The following XPO6 variants were observed in gnomAD, a reference collection of about 807,000 sequenced individuals.
XPO6 encodes exportin-6.
A neutral mutation model predicts 130.0 loss-of-function variants in XPO6; 3 were observed. That is an observed-to-expected ratio of 0.02 (90% CI 0.01 to 0.06). The LOEUF (loss-of-function observed/expected upper bound fraction) is 0.06. Ranked by LOEUF, XPO6 falls within the 10% of genes least tolerant of loss-of-function variation. The pLI, the probability that XPO6 is intolerant of heterozygous loss-of-function variation, is 1.00. For missense variants in XPO6, 970 were observed against 1,393.0 expected, an observed-to-expected ratio of 0.70 and a Z score of 4.83; for synonymous variants, 524 against 548.9, an observed-to-expected ratio of 0.95 and a Z score of 0.63.
chr16:28,104,347 C>T (rs75889465), intron 21 of XPO6, among the ~76,000 whole-genome samples, 199 bp downstream of exon 21: 2,320 of 152,338 alleles, frequency 0.015, 34 homozygotes, highest in African/African-American at 0.045. Context: ...TTTAACCTCA[C>T]AACAAACCTG....
chr16:28,205,074 G>C (rs1039846632), intron 1 of XPO6, among the ~76,000 whole-genome samples: 1 of 151,916 alleles, frequency 6.6e-6, no homozygotes, highest in African/African-American at 2.4e-5. Context: ...AAATTAATGA[G>C]CAAAGGGAAA....
At chr16:28,118,431 G>C (rs1227153302) in intron 14 of XPO6, among the ~76,000 whole-genome samples, 1 of 152,188 alleles carries the variant, frequency 6.6e-6, no homozygotes, top group Non-Finnish European at 1.5e-5. Context: ...CACGATCATG[G>C]CTCACTGCAG....
rs1278421265 is a variant in XPO6 at position 28,112,824 on chromosome 16, A to AG, written c.2151+79dup. ...CTGTAAGCTCTGAGTACAAAATCAA[A>AG]GGCCAGACTCTTCTTCCTCAGCTTC... On this transcript the variant is annotated intron_variant, in intron 16 of 23. Coordinates refer to ENST00000304658, the MANE Select transcript of XPO6 (RefSeq NM_015171.4). 16 of 1,521,302 alleles carry AG rather than the reference A, an allele frequency of 1.1e-5. No individual in the cohort carries two copies. In the African/African-American group the frequency reaches 1.7e-4, roughly 16 times the overall value. The allele number at this position is 1,521,302 out of a possible 1,614,324, so 94.2% of individuals were successfully genotyped here.
chr16:28,155,996 A>G (rs2043178085), intron 7 of XPO6, 78 bp downstream of exon 7: 1 of 1,515,314 alleles, frequency 6.6e-7, no homozygotes, highest in Admixed American at 2.2e-5. Context: ...AGAGGATTAC[A>G]GATGCCATGC....
chr16:28,208,348 A>G (rs1380702471), intron 1 of XPO6, among the ~76,000 whole-genome samples: 3 of 152,174 alleles, frequency 2.0e-5, no homozygotes, highest in African/African-American at 7.2e-5. Context: ...AGAAATGGAG[A>G]GGAAATAATT....
rs1306552633 is a variant in XPO6, at chr16:28,166,546, G to A, written c.605C>T (p.Ala202Val). 4.4e-6 allele frequency: 7 copies of A among 1,593,156 alleles called. No individual in the cohort carries two copies. The highest frequency in any genetic ancestry group is 6.0e-6 in the Non-Finnish European group (7 of 1,168,848). Residue 202 changes from alanine (A) to valine (V), a missense_variant, in exon 6 of 24, where the codon GCT (alanine) becomes GTT (valine). This residue lies in a region of XPO6 where 936 missense variants were observed against 1,306.8 expected (regional missense o/e 0.72). Transcript: ENST00000304658. ...GGTCGGGGATGGTGGTGGAGTGGCA[G>A]CAGTAACACTGTGTTTGTCCCAGAC... is the stretch of plus-strand genomic sequence containing the variant. ...ETVWDKHSVTAATPPPSPTSG... is the reference protein window; with the variant it reads ...ETVWDKHSVTVATPPPSPTSG...
At position 28,169,772 on chromosome 16, in the gene XPO6, C is replaced by A. The variant is rs113061700; in HGVS notation, c.543G>T (p.Gln181His). 1.6e-4 allele frequency: 261 copies of A among 1,614,070 alleles called. No individual in the cohort carries two copies. The African/African-American group carries it at 3.1e-3, about 19-fold the overall frequency. Reference sequence around the variant, plus strand: ...CACCTGTCAGTAGCCCAAGCACTGTCTGCACCTGGTCCAGTAGCAGCTTCC... The same window carrying A: ...CACCTGTCAGTAGCCCAAGCACTGTATGCACCTGGTCCAGTAGCAGCTTCC... The part of the protein sequence containing the change: ...ELRKLLLDQV[Q>H]TVLGLLTGIL... Residue 181 changes from glutamine (Q) to histidine (H), a missense_variant, in exon 5 of 24, where the codon CAG becomes CAT. Physicochemically the swap from Gln to His is conservative, Grantham distance 24 (BLOSUM62 0). Coordinates refer to ENST00000304658, the MANE Select transcript of XPO6 (RefSeq NM_015171.4).
At chr16:28,180,444 G>C (rs1239356396) in intron 2 of XPO6, among the ~76,000 whole-genome samples, 5 of 152,178 alleles carry the variant, frequency 3.3e-5, no homozygotes, top group Non-Finnish European at 7.3e-5. Context: ...AGTAATACCA[G>C]TTATGGGATT....
At chr16:28,098,778 G>T in intron 23 of XPO6, 139 bp from the exon 24 acceptor site, 1 of 586,602 alleles carries the variant, frequency 1.7e-6, no homozygotes. Flanking sequence ...ATTCACTGTT[G>T]CACTGCGTGT....
In XPO6 at chr16:28,125,715, G is replaced by C. The variant is rs2087382639; in HGVS notation, c.1740C>G (p.Phe580Leu). The change falls in exon 13 of 24, where the codon TTC becomes TTG. Residue 580 changes from phenylalanine (F) to leucine (L), a missense_variant. Around this residue, in one of 4 missense-constraint regions of XPO6, gnomAD observed 936 missense variants for 1,306.8 expected, o/e 0.72. Transcript: ENST00000304658. ...TTTCCACGACTGTGAGGGCATCATT[G>C]AACCGTGCAGCAAACACATCCCCGA... is the stretch of plus-strand genomic sequence containing the variant. ...YFIGDVFAAR[F>L]NDALTVVERL... 1 of 1,614,028 alleles carries C rather than the reference G, an allele frequency of 6.2e-7. No individual in the cohort carries two copies. The highest frequency in any genetic ancestry group is 1.3e-5 in the African/African-American group (1 of 74,922).
At chr16:28,162,438 T>A (rs2043291468) in intron 6 of XPO6, among the ~76,000 whole-genome samples, 2 of 152,086 alleles carry the variant, frequency 1.3e-5, no homozygotes, top group African/African-American at 4.8e-5. Context: ...TGGAAGAGGG[T>A]AGCTTGATTA....
chr16:28,146,536 A>G lies in XPO6; in HGVS notation c.1225-333T>C, dbSNP rs148059378. 7.6e-3 allele frequency among the ~76,000 whole-genome samples: 1,164 copies of G among 152,356 alleles called. 15 individuals are homozygous for G. The highest frequency in any genetic ancestry group is 0.026 in the African/African-American group (1,097 of 41,580). ...CATCTAGTTTAAATCTATTTTCCAG[A>G]GAGAAATCGAGATTCAGAGATATAA... On this transcript the variant is annotated intron_variant, in intron 8 of 23. Coordinates refer to ENST00000304658, the MANE Select transcript of XPO6 (RefSeq NM_015171.4).
intron 5 of XPO6, among the ~76,000 whole-genome samples, chr16:28,168,340 A>C (rs2043390913): frequency 6.6e-6 from 1 of 152,036 alleles, no homozygotes; most frequent in South Asian, 2.1e-4. Context: ...AAAATTAGCC[A>C]GGCGTGGTGC....
At chr16:28,153,728 G>C (rs2043135972) in intron 7 of XPO6, 1 of 985,196 alleles carries the variant, frequency 1.0e-6, no homozygotes, top group Non-Finnish European at 1.2e-6. Flanking sequence ...ACACAAAAAG[G>C]TAAAGACATA....
rs1179036976 is a variant in XPO6, at chr16:28,124,254, C to G, written c.1766+1435G>C. 2.0e-5 allele frequency among the ~76,000 whole-genome samples: 3 copies of G among 152,090 alleles called. No homozygotes were observed. The East Asian group carries it at 5.8e-4, about 29-fold the overall frequency. On this transcript the variant is annotated intron_variant, in intron 13 of 23. Coordinates refer to ENST00000304658, the MANE Select transcript of XPO6 (RefSeq NM_015171.4). ...TGTATTTTTAGTAGAGATGGGGTTT[C>G]ATCATATTGGTTAGGCTGGTCTTGA...
chr16:28,128,418 C>CGAG (rs2042602506), intron 12 of XPO6, among the ~76,000 whole-genome samples: 1 of 152,142 alleles, frequency 6.6e-6, no homozygotes, highest in African/African-American at 2.4e-5. Flanking sequence ...CTTCATTTCG[C>CGAG]ACCTCCACCT....
At chr16:28,133,987 G>A in intron 10 of XPO6, 54 bp from the exon 11 acceptor site, 2 of 1,574,888 alleles carry the variant, frequency 1.3e-6, no homozygotes, top group South Asian at 1.1e-5. Context: ...CATCTTCCTT[G>A]CCAACCTCAA....
intron 4 of XPO6, among the ~76,000 whole-genome samples, chr16:28,172,170 T>C (rs904317783): frequency 2.0e-5 from 3 of 152,234 alleles, no homozygotes; most frequent in Admixed American, 6.5e-5. Flanking sequence ...TATTCTTTAC[T>C]TGAAAAAGAG....
Position 28,150,099 on chromosome 16 carries a change from G to C in XPO6, c.1224+2560C>G, listed in dbSNP as rs570005915. ...GGCTGTCTGCCCTGGTTTACCCACAGTAAGCTGGGACAGTGTACCTTTCAG... is the reference window on the plus strand; with the variant it reads ...GGCTGTCTGCCCTGGTTTACCCACACTAAGCTGGGACAGTGTACCTTTCAG... On this transcript the variant is annotated intron_variant, in intron 8 of 23. Transcript: ENST00000304658. Among the ~76,000 whole-genome samples the C allele has an allele frequency of 2.1e-4, 32 of 152,274 alleles. No individual in the cohort carries two copies. In the South Asian group the frequency reaches 6.2e-3, roughly 30 times the overall value.
Sources: gnomAD v4.1 joint callset for allele counts (sites outside exome capture counted in the v4.1 genomes callset) on GRCh38, gnomAD v4.1.1 for gene constraint, gnomAD v4.1.1 regional missense constraint, MANE v1.5 for transcripts, NCBI Gene and HGNC (gene_info 2026-07-23, HGNC 2026-07-21) for gene names.